CTNND2: variants seen among roughly 807,000 people sequenced by gnomAD.
CTNND2 encodes catenin delta 2.
In CTNND2, 22 loss-of-function variants were observed where a neutral mutation model predicts 144.4. The ratio of observed to expected loss-of-function variants is 0.15; its 90% CI spans 0.11 to 0.22. CTNND2 has a LOEUF of 0.22. Ranked by LOEUF, CTNND2 falls within the 10% of genes least tolerant of loss-of-function variation. The pLI is 1.00. For missense variants in CTNND2, 1,353 were observed against 1,618.8 expected, an observed-to-expected ratio of 0.84 and a Z score of 2.82; for synonymous variants, 751 against 695.6, an observed-to-expected ratio of 1.08 and a Z score of -1.25.
intron 16 of CTNND2, among the ~76,000 whole-genome samples, chr5:11,079,853 A>G (rs1405754313): frequency 1.3e-5 from 2 of 152,246 alleles, no homozygotes; most frequent in African/African-American, 4.8e-5. Context: ...CTTAAATGTA[A>G]GACCTAAACT....
intron 1 of CTNND2, among the ~76,000 whole-genome samples, chr5:11,762,060 A>C (rs192806201): frequency 4.6e-5 from 7 of 152,324 alleles, no homozygotes; most frequent in Admixed American, 4.6e-4. Flanking sequence ...TATTATCTAG[A>C]AAATTAAATG....
intron 16 of CTNND2, among the ~76,000 whole-genome samples, chr5:11,053,029 T>C (rs1746002338): frequency 6.6e-6 from 1 of 152,186 alleles, no homozygotes; most frequent in Non-Finnish European, 1.5e-5. Flanking sequence ...CTTAAAGATA[T>C]GACTTAATGT....
chr5:11,766,572 T>G (rs59092093), intron 1 of CTNND2, among the ~76,000 whole-genome samples: 1 of 152,116 alleles, frequency 6.6e-6, no homozygotes, highest in African/African-American at 2.4e-5. Context: ...CCCGGCCACA[T>G]AGAACTGTAA....
chr5:11,873,935 T>C (rs1735352547), intron 1 of CTNND2, among the ~76,000 whole-genome samples: 1 of 152,110 alleles, frequency 6.6e-6, no homozygotes, highest in African/African-American at 2.4e-5. Flanking sequence ...AGAGGGAGCC[T>C]AGAAAAGGCA....
Position 11,273,544 on chromosome 5 carries a change from T to A in CTNND2, c.1629-36721A>T, listed in dbSNP as rs188595135. ...TAAGTGCCATAAGCTTGAAGGAAAA[T>A]TGGGCTTTTCGGTCACTGAAATTTC... On this transcript the variant is annotated intron_variant, in intron 9 of 21. Transcript: ENST00000304623. Among the ~76,000 whole-genome samples the A allele has an allele frequency of 1.2e-4, 19 of 152,322 alleles. No homozygotes were observed. In the East Asian group the frequency reaches 3.7e-3, roughly 29 times the overall value.
chr5:10,995,835 T>G (rs1276013420), intron 18 of CTNND2, among the ~76,000 whole-genome samples: 1 of 152,154 alleles, frequency 6.6e-6, no homozygotes, highest in East Asian at 1.9e-4. Flanking sequence ...GGGAAGAGAC[T>G]GGTAGATGGG....
At chr5:11,799,536 C>T (rs1314474133) in intron 1 of CTNND2, among the ~76,000 whole-genome samples, 1 of 152,082 alleles carries the variant, frequency 6.6e-6, no homozygotes, top group Admixed American at 6.6e-5. Flanking sequence ...TTATCTGTTA[C>T]ATCATTTTCA....
intron 5 of CTNND2, among the ~76,000 whole-genome samples, chr5:11,399,505 C>G (rs1760446090): frequency 2.0e-5 from 3 of 152,168 alleles, no homozygotes; most frequent in Admixed American, 2.0e-4. Context: ...TGAATAGACT[C>G]ATACAATTAT....
rs113075003 is a variant in CTNND2, at chr5:11,171,453, T to C, written c.1976-11694A>G. ...TTTCTGCTGATCATGCTCAAATTTATATTTCTGAGTTTCATTTCTATAATT... is the reference window on the plus strand; with the variant it reads ...TTTCTGCTGATCATGCTCAAATTTACATTTCTGAGTTTCATTTCTATAATT... On this transcript the variant is annotated intron_variant, in intron 11 of 21. Transcript: ENST00000304623. 5.3e-3 allele frequency among the ~76,000 whole-genome samples: 805 copies of C among 152,340 alleles called. 7 individuals are homozygous for C. Among genetic ancestry groups the C allele is most frequent in the African/African-American group, 0.018 (758 of 41,578 alleles).
At chr5:11,483,349 C>G (rs1029341206) in intron 3 of CTNND2, among the ~76,000 whole-genome samples, 2 of 152,138 alleles carry the variant, frequency 1.3e-5, no homozygotes, top group Non-Finnish European at 2.9e-5. Flanking sequence ...TCACTCTTGG[C>G]TATGAGGAGT....
chr5:11,589,408 C>A (rs1197540306), intron 2 of CTNND2, among the ~76,000 whole-genome samples: 1 of 152,022 alleles, frequency 6.6e-6, no homozygotes, highest in Non-Finnish European at 1.5e-5. Flanking sequence ...GAGGCAGATT[C>A]AAGATTGTTT....
Position 11,904,057 on chromosome 5 carries a change from C to T in CTNND2, c.-204G>A. 3.0e-6 allele frequency: 1 copy of T among 334,168 alleles called. No individual in the cohort carries two copies. The highest frequency in any genetic ancestry group is 4.8e-6 in the Non-Finnish European group (1 of 208,674). The allele number at this position is 334,168 out of a possible 1,614,324, so 20.7% of individuals were successfully genotyped here. ...GGCTCCCGACGCGAGTGCGCAGCGC[C>T]CGGCCCGGCGGCCCCTCCGAGCTCG... On this transcript the variant is annotated 5_prime_UTR_variant, in exon 1 of 22. Coordinates refer to ENST00000304623, the MANE Select transcript of CTNND2 (RefSeq NM_001332.4). The surrounding 1 kb of genome is among the most constrained non-coding windows in gnomAD (Gnocchi z 4.2).
At chr5:11,039,424 C>T (rs556377891) in intron 16 of CTNND2, among the ~76,000 whole-genome samples, 7 of 152,290 alleles carry the variant, frequency 4.6e-5, no homozygotes, top group East Asian at 1.9e-4. Context: ...ACACAGTGGA[C>T]GATGGCTGTG....
intron 2 of CTNND2, among the ~76,000 whole-genome samples, chr5:11,609,383 G>A (rs1780210131): frequency 6.6e-6 from 1 of 151,804 alleles, no homozygotes; most frequent in South Asian, 2.1e-4. Context: ...TCAGCTTTTG[G>A]TTTCTAGTGA....
chr5:11,883,390 T>G (rs1736276015), intron 1 of CTNND2, among the ~76,000 whole-genome samples: 1 of 152,112 alleles, frequency 6.6e-6, no homozygotes, highest in Non-Finnish European at 1.5e-5. Flanking sequence ...GTCCACGTGT[T>G]CTCCTTATTC....
At chr5:11,346,709 G>A in intron 8 of CTNND2, 82 bp from the exon 9 acceptor site, 2 of 1,296,910 alleles carry the variant, frequency 1.5e-6, no homozygotes, top group South Asian at 2.1e-5. Context: ...CAGGGGCAGG[G>A]GAAGTTACAC....
chr5:11,507,768 G>A (rs1335347903), intron 3 of CTNND2, among the ~76,000 whole-genome samples: 8 of 152,198 alleles, frequency 5.3e-5, no homozygotes, highest in Non-Finnish European at 1.0e-4. Flanking sequence ...GAAGAAATAC[G>A]GTCGTGTGCA....
intron 3 of CTNND2, among the ~76,000 whole-genome samples, chr5:11,504,016 ACCTCATTCTG>A (rs1388642791): frequency 1.3e-5 from 2 of 152,252 alleles, no homozygotes; most frequent in African/African-American, 4.8e-5. Flanking sequence ...CTTTACTGCT[ACCTCATTCTG>A]AAAGATAATT....
chr5:11,498,575 TTAAC>T (rs1456906222), intron 3 of CTNND2, among the ~76,000 whole-genome samples: 2 of 152,208 alleles, frequency 1.3e-5, no homozygotes, highest in Middle Eastern at 3.2e-3. Context: ...AAGACCTTCA[TTAAC>T]TAGCTGCCAT....
Sources: allele counts gnomAD v4.1 joint callset (sites outside exome capture counted in the v4.1 genomes callset), GRCh38; gene constraint gnomAD v4.1.1; non-coding constraint Gnocchi (gnomAD v3.1); transcripts MANE v1.5; gene names NCBI Gene and HGNC (gene_info 2026-07-23, HGNC 2026-07-21).